BCR: variants seen among roughly 807,000 people sequenced by gnomAD.
BCR encodes the protein BCR activator of RhoGEF and GTPase, also known as breakpoint cluster region protein.
BCR carries 58 observed loss-of-function variants against 138.6 expected under a neutral mutation model. That is an observed-to-expected ratio of 0.42 (90% CI 0.34 to 0.52). BCR has a LOEUF of 0.52. BCR is among the 20% of genes least tolerant of loss of function. The pLI is 0.06. For synonymous variants in BCR, 786 were observed against 730.1 expected (o/e 1.08, Z -1.23); for missense variants, 1,599 against 1,727.2 (o/e 0.93, Z 1.32).
intron 14 of BCR, 171 bp downstream of exon 14, chr22:23,290,584 G>A (rs1466093821): frequency 2.9e-6 from 2 of 688,474 alleles, no homozygotes; most frequent in Admixed American, 4.7e-5. Context: ...TTCTGGGTGT[G>A]GAATTGTTTT....
At chr22:23,199,669 A>G (rs751834503) in intron 1 of BCR, among the ~76,000 whole-genome samples, 21 of 152,218 alleles carry the variant, frequency 1.4e-4, no homozygotes, top group Non-Finnish European at 2.2e-4. Context: ...CCATGAGTGC[A>G]GGGGATAGAT....
intron 16 of BCR, among the ~76,000 whole-genome samples, chr22:23,304,290 C>G (rs144591618): frequency 0.012 from 1,895 of 151,984 alleles, 103 homozygotes; most frequent in Admixed American, 0.1. Flanking sequence ...TGCTTTTTGT[C>G]TTTAGAGATT....
intron 1 of BCR, among the ~76,000 whole-genome samples, chr22:23,225,565 T>C (rs2072881646): frequency 6.6e-6 from 1 of 152,242 alleles, no homozygotes; most frequent in African/African-American, 2.4e-5. Flanking sequence ...GGGAAATCCC[T>C]GTAGGTCTGG....
intron 8 of BCR, 143 bp downstream of exon 8, chr22:23,273,917 G>T (rs943222929): frequency 2.9e-5 from 35 of 1,214,438 alleles, no homozygotes; most frequent in Admixed American, 2.6e-4. Flanking sequence ...CGCACACTCA[G>T]TCCTGTGTGG....
At chr22:23,185,402 A>C (rs1050508849) in intron 1 of BCR, among the ~76,000 whole-genome samples, 1 of 152,172 alleles carries the variant, frequency 6.6e-6, no homozygotes, top group African/African-American at 2.4e-5. Context: ...GCGGTGGCTC[A>C]AGCCTGTAAT....
rs1176309148 is a variant in BCR at position 23,195,403 on chromosome 22, A to T, written c.1279+13164A>T. On this transcript the variant is annotated intron_variant, in intron 1 of 22. Transcript: ENST00000305877. ...CCATTGCACTTGAGCCTGGGCTACAAGAGCGAAACTCCGTCTCAAAAAAAA... is the reference window on the plus strand; with the variant it reads ...CCATTGCACTTGAGCCTGGGCTACATGAGCGAAACTCCGTCTCAAAAAAAA... 2.0e-5 allele frequency among the ~76,000 whole-genome samples: 3 copies of T among 148,782 alleles called. No homozygotes were observed. The East Asian group carries it at 6.0e-4, about 30-fold the overall frequency.
chr22:23,258,794 C>G (rs532652977), intron 2 of BCR, among the ~76,000 whole-genome samples: 2 of 152,236 alleles, frequency 1.3e-5, no homozygotes, highest in African/African-American at 4.8e-5. Flanking sequence ...GCGGGGCCAA[C>G]GAGAAGCCTG....
intron 16 of BCR, among the ~76,000 whole-genome samples, chr22:23,297,207 G>GTTTTTTTTTTTTTTTTTTT (rs1307353327): frequency 2.1e-5 from 2 of 97,382 alleles, no homozygotes; most frequent in Non-Finnish European, 4.0e-5. Context: ...TGGCTAAGTT[G>GTTTTTTTTTTTTTTTTTTT]TTTTTTGTTT....
intron 9 of BCR, among the ~76,000 whole-genome samples, chr22:23,284,767 C>T (rs959021044): frequency 6.6e-6 from 1 of 152,208 alleles, no homozygotes; most frequent in Non-Finnish European, 1.5e-5. Flanking sequence ...CATGAGCCTT[C>T]AACCTTAGAG....
At chr22:23,259,626 C>T (rs2073334673) in intron 2 of BCR, among the ~76,000 whole-genome samples, 1 of 151,882 alleles carries the variant, frequency 6.6e-6, no homozygotes, top group Admixed American at 6.6e-5. Flanking sequence ...AGGCAATTCT[C>T]CTGCCTCTGC....
intron 2 of BCR, among the ~76,000 whole-genome samples, chr22:23,257,478 C>T (rs756081547): frequency 1.1e-4 from 16 of 152,252 alleles, no homozygotes; most frequent in Non-Finnish European, 2.1e-4. Flanking sequence ...CCCTACAGGC[C>T]GCCTGGTACT....
At chr22:23,287,954 C>A in intron 11 of BCR, 143 bp from the exon 12 acceptor site, 1 of 752,144 alleles carries the variant, frequency 1.3e-6, no homozygotes, top group Non-Finnish European at 2.3e-6. Context: ...CCGGAAGCGA[C>A]ATGCCAGGCC....
In BCR at chr22:23,252,427, C is replaced by CTTTTTTT. The variant is rs371986661; in HGVS notation, c.1280-1368_1280-1367insTTTTTTT. Among the ~76,000 whole-genome samples, 138 of 119,488 alleles carry CTTTTTTT rather than the reference C, an allele frequency of 1.2e-3. 2 individuals are homozygous for CTTTTTTT. The highest frequency in any genetic ancestry group is 3.1e-3 in the African/African-American group (88 of 28,468). 78.4% of individuals were successfully genotyped at this position (119,488 alleles called of 152,430 possible). A position where few individuals can be genotyped will look rare whatever the true frequency, so the allele number is the denominator to read the frequency against. On this transcript the variant is annotated intron_variant, in intron 1 of 22. Transcript: ENST00000305877. The stretch of plus-strand genomic sequence containing the variant: ...TTGGGTTTCCCTTTCTTTTTCTTTT[C>CTTTTTTT]TTTTCTTTTTTTTTTTTTTTTGAGA...
intron 1 of BCR, among the ~76,000 whole-genome samples, chr22:23,240,753 TATC>T (rs374279648): frequency 1.1e-4 from 16 of 152,322 alleles, no homozygotes; most frequent in African/African-American, 3.8e-4. Flanking sequence ...ACATCCACAT[TATC>T]ATACACCTGT....
At chr22:23,212,202 A>G (rs1017937310) in intron 1 of BCR, among the ~76,000 whole-genome samples, 4 of 152,150 alleles carry the variant, frequency 2.6e-5, no homozygotes, top group Admixed American at 1.3e-4. Flanking sequence ...AGAGGAGAGA[A>G]GCCATCGAGC....
chr22:23,196,278 C>G (rs1602002163), intron 1 of BCR, among the ~76,000 whole-genome samples: 1 of 152,202 alleles, frequency 6.6e-6, no homozygotes, highest in East Asian at 1.9e-4. Context: ...GGACACAGTC[C>G]TTAAATAAGT....
Position 23,210,565 on chromosome 22 carries a change from TC to T in BCR, c.1279+28327del, listed in dbSNP as rs372000473. On this transcript the variant is annotated intron_variant, in intron 1 of 22. Transcript: ENST00000305877. Reference sequence around the variant, plus strand: ...ACTGTTCTGTGAGGTGTGACAGCGTTCTGTAGCCATTACCTTCATCAAGATA... The same window carrying T: ...ACTGTTCTGTGAGGTGTGACAGCGTTTGTAGCCATTACCTTCATCAAGATA... Among the ~76,000 whole-genome samples, 42 of 152,338 alleles carry T rather than the reference TC, an allele frequency of 2.8e-4. No homozygotes were observed. In the East Asian group the frequency reaches 6.4e-3, roughly 23 times the overall value.
chr22:23,186,723 AT>A (rs371027662), intron 1 of BCR, among the ~76,000 whole-genome samples: 13 of 149,382 alleles, frequency 8.7e-5, no homozygotes, highest in African/African-American at 1.5e-4. Context: ...AATTGTGTGG[AT>A]TTTTTTTTTA....
chr22:23,293,349 C>T (rs2073810919), intron 15 of BCR, among the ~76,000 whole-genome samples: 1 of 152,184 alleles, frequency 6.6e-6, no homozygotes, highest in Non-Finnish European at 1.5e-5. Flanking sequence ...CAAGAGCCCC[C>T]AGGCTGCTTG....
Sources: allele counts gnomAD v4.1 joint callset (sites outside exome capture counted in the v4.1 genomes callset), GRCh38; gene constraint gnomAD v4.1.1; transcripts MANE v1.5; gene names NCBI Gene and HGNC (gene_info 2026-07-23, HGNC 2026-07-21).